The following TNIP3 variants were observed in gnomAD, a reference collection of about 807,000 sequenced individuals.
TNIP3 encodes the protein TNFAIP3 interacting protein 3, also known as TNFAIP3-interacting protein 3.
A neutral mutation model predicts 54.1 loss-of-function variants in TNIP3; 34 were observed. The observed-to-expected ratio is 0.63, with a 90% CI of 0.48 to 0.84. TNIP3 has a LOEUF of 0.84. Among genes scored for constraint, TNIP3 ranks in the 40% least tolerant of loss-of-function variants. TNIP3 has a pLI of 0.00. For synonymous variants in TNIP3, 134 were observed against 136.8 expected, an observed-to-expected ratio of 0.98 and a Z score of 0.14; for missense variants, 366 against 387.6, an observed-to-expected ratio of 0.94 and a Z score of 0.47.
intron 3 of TNIP3, among the ~76,000 whole-genome samples, chr4:121,174,121 A>G (rs1724155374): frequency 6.6e-6 from 1 of 152,194 alleles, no homozygotes; most frequent in Non-Finnish European, 1.5e-5. Flanking sequence ...ATTCCTGCCA[A>G]GGGGTTGTCC....
At chr4:121,172,915 T>C (rs760659481) in intron 3 of TNIP3, among the ~76,000 whole-genome samples, 3 of 152,214 alleles carry the variant, frequency 2.0e-5, no homozygotes, top group Admixed American at 6.5e-5. Context: ...ATTACTATTT[T>C]GTACTAAGGA....
chr4:121,169,994 G>A (rs950578786), intron 3 of TNIP3, among the ~76,000 whole-genome samples: 8 of 152,122 alleles, frequency 5.3e-5, no homozygotes, highest in Non-Finnish European at 1.0e-4. Flanking sequence ...TGCAGACTTC[G>A]TGAAATCCAT....
intron 2 of TNIP3, among the ~76,000 whole-genome samples, chr4:121,200,905 G>A (rs1180525041): frequency 4.6e-5 from 7 of 152,090 alleles, no homozygotes; most frequent in East Asian, 1.9e-4. Context: ...AAATAAACCC[G>A]GAGGGAAGTG....
At chr4:121,203,704 T>A (rs1197528920) in intron 2 of TNIP3, among the ~76,000 whole-genome samples, 3 of 152,066 alleles carry the variant, frequency 2.0e-5, no homozygotes, top group Non-Finnish European at 4.4e-5. Flanking sequence ...AATAGTAGCC[T>A]GTTTTATTTT....
At chr4:121,164,930 C>A (rs1730671944), upstream of TNIP3, among the ~76,000 whole-genome samples, 1 of 151,966 alleles carries the variant, frequency 6.6e-6, no homozygotes, top group East Asian at 1.9e-4. Context: ...TGACTGTTAT[C>A]ATTTTAGGAG....
chr4:121,173,199 G>A (rs13124511), intron 3 of TNIP3, among the ~76,000 whole-genome samples: 42,616 of 152,036 alleles, frequency 0.28, 6,707 homozygotes, highest in African/African-American at 0.43. Context: ...ACCAATGATG[G>A]AAAAGCATCG....
At chr4:121,169,544 C>G (rs1730955352) in intron 3 of TNIP3, among the ~76,000 whole-genome samples, 1 of 152,168 alleles carries the variant, frequency 6.6e-6, no homozygotes, top group Admixed American at 6.5e-5. Flanking sequence ...TGTGTTCACT[C>G]TGTGTTTCTC....
upstream of TNIP3, among the ~76,000 whole-genome samples, chr4:121,221,545 A>T (rs1247754506): frequency 6.6e-6 from 1 of 152,244 alleles, no homozygotes; most frequent in Non-Finnish European, 1.5e-5. Flanking sequence ...ACACATTTTA[A>T]TTCATTTATT....
chr4:121,173,268 T>C (rs2148822491), intron 3 of TNIP3, among the ~76,000 whole-genome samples: 1 of 152,308 alleles, frequency 6.6e-6, no homozygotes, highest in Middle Eastern at 3.4e-3. Context: ...TTAAGCGTTT[T>C]TGAGGGATAG....
At chr4:121,139,341 T>C (rs1728974879) in intron 9 of TNIP3, among the ~76,000 whole-genome samples, 1 of 152,200 alleles carries the variant, frequency 6.6e-6, no homozygotes, top group African/African-American at 2.4e-5. Context: ...GTCGAACAAA[T>C]TGCATTGAAT....
At chr4:121,145,850 T>C (rs1055816261) in intron 7 of TNIP3, among the ~76,000 whole-genome samples, 2 of 151,226 alleles carry the variant, frequency 1.3e-5, no homozygotes, top group Non-Finnish European at 2.9e-5. Context: ...AGAATAAAAA[T>C]ACAAAAAAAT....
At chr4:121,215,657 G>A (rs144338009) in intron 2 of TNIP3, among the ~76,000 whole-genome samples, 19 of 151,908 alleles carry the variant, frequency 1.3e-4, no homozygotes, top group Non-Finnish European at 1.9e-4. Flanking sequence ...GCACTTCTTC[G>A]TGTATTTCTA....
At chr4:121,153,628 C>G (rs552070085) in intron 5 of TNIP3, among the ~76,000 whole-genome samples, 5 of 152,222 alleles carry the variant, frequency 3.3e-5, no homozygotes, top group Non-Finnish European at 7.3e-5. Context: ...GTCCCACACA[C>G]AGATCTACTA....
At chr4:121,146,958 T>C (rs1013158198) in intron 7 of TNIP3, 91 bp downstream of exon 7, 12 of 1,428,104 alleles carry the variant, frequency 8.4e-6, no homozygotes, top group Admixed American at 7.3e-5. Flanking sequence ...AAATTCAATG[T>C]CAATTAACAG....
At position 121,157,095 on chromosome 4, in the gene TNIP3, T is replaced by A; in HGVS notation, c.362A>T (p.Glu121Val). The change falls in exon 4 of 11, where the codon GAG becomes GTG. Residue 121 changes from glutamate to valine, a missense_variant and splice_region_variant. Physicochemically the swap from Glu to Val is moderately radical, Grantham distance 121. Coordinates refer to ENST00000057513, the MANE Select transcript of TNIP3 (RefSeq NM_024873.6). ...DLTRDRLQRE[E>V]KEKERLNEEL... ...CTCGAGGACCCGGGCCCCGCCCACC[T>A]CCTCCCGCTGCAGCCGGTCCCGGGT... 2 of 1,612,894 alleles carry A rather than the reference T, an allele frequency of 1.2e-6. No homozygotes were observed. The highest frequency in any genetic ancestry group is 1.7e-6 in the Non-Finnish European group (2 of 1,179,518).
chr4:121,188,318 A>T (rs1054305626), intron 2 of TNIP3, among the ~76,000 whole-genome samples: 7 of 152,132 alleles, frequency 4.6e-5, no homozygotes, highest in Non-Finnish European at 8.8e-5. Flanking sequence ...TTAAAAAAAA[A>T]AACTCTCCCC....
intron 10 of TNIP3, chr4:121,138,072 C>G: frequency 4.5e-6 from 2 of 443,212 alleles, no homozygotes; most frequent in South Asian, 3.2e-5. Flanking sequence ...AAAAAGTACT[C>G]TTAGTTGTGA....
At chr4:121,209,440 C>A (rs1231479835) in intron 2 of TNIP3, among the ~76,000 whole-genome samples, 4 of 151,992 alleles carry the variant, frequency 2.6e-5, no homozygotes, top group African/African-American at 4.8e-5. Context: ...GTGTCAACAC[C>A]AAATTGAATT....
chr4:121,181,334 G>T (rs114872973), intron 3 of TNIP3, among the ~76,000 whole-genome samples: 1,992 of 152,266 alleles, frequency 0.013, 50 homozygotes, highest in African/African-American at 0.046. Flanking sequence ...TTCCATGAAG[G>T]AATAAATTTC....
Sources: gnomAD v4.1 joint callset for allele counts (sites outside exome capture counted in the v4.1 genomes callset) on GRCh38, gnomAD v4.1.1 for gene constraint, MANE v1.5 for transcripts, NCBI Gene and HGNC (gene_info 2026-07-23, HGNC 2026-07-21) for gene names.